The following TUSC3 variants were observed in gnomAD, a reference collection of about 807,000 sequenced individuals.
The protein encoded by TUSC3 is tumor suppressor candidate 3.
In TUSC3, 45 loss-of-function variants were observed where a neutral mutation model predicts 44.8. That is an observed-to-expected ratio of 1.00 (90% CI 0.79 to 1.29). The LOEUF (loss-of-function observed/expected upper bound fraction) is 1.29, where lower values mean the gene tolerates loss of function less well. TUSC3 is among the 50% of genes most tolerant of loss of function. TUSC3 has a pLI of 0.00. For synonymous variants in TUSC3, 212 were observed against 152.9 expected (o/e 1.39, Z -2.85); for missense variants, 519 against 437.9 (o/e 1.19, Z -1.65).
At chr8:15,420,646 C>T (rs892827155) in intron 1 of TUSC3, among the ~76,000 whole-genome samples, 1 of 151,762 alleles carries the variant, frequency 6.6e-6, no homozygotes, top group Admixed American at 6.6e-5. Context: ...ACCTGAATTC[C>T]TCCCTTCTCT....
intron 7 of TUSC3, among the ~76,000 whole-genome samples, chr8:15,735,216 A>T (rs1361750855): frequency 1.3e-5 from 2 of 152,146 alleles, no homozygotes; most frequent in Non-Finnish European, 2.9e-5. Context: ...GGCTGCTGGC[A>T]ATGGTTCATC....
chr8:15,825,635 T>A, the TUSC3 span, among the ~76,000 whole-genome samples: 1 of 152,164 alleles, frequency 6.6e-6, no homozygotes, highest in Non-Finnish European at 1.5e-5. Flanking sequence ...CTGCTCTTAT[T>A]CTTAAGGAAA....
the TUSC3 span, among the ~76,000 whole-genome samples, chr8:15,792,119 AACACAC>A: frequency 6.0e-5 from 9 of 150,310 alleles, no homozygotes; most frequent in South Asian, 2.1e-4. Context: ...GCCAACCTCT[AACACAC>A]ACACACACAC....
intron 1 of TUSC3, among the ~76,000 whole-genome samples, chr8:15,449,940 C>G (rs1389981321): frequency 6.6e-6 from 1 of 152,074 alleles, no homozygotes; most frequent in Non-Finnish European, 1.5e-5. Context: ...TGCTGTACAG[C>G]TTTGTAGCCT....
chr8:15,578,160 A>G (rs1272336000), intron 1 of TUSC3, among the ~76,000 whole-genome samples: 1 of 138,666 alleles, frequency 7.2e-6, no homozygotes, highest in African/African-American at 2.7e-5. Flanking sequence ...TTGTACATTG[A>G]TTTTGTATCC....
chr8:15,684,500 C>A (rs1015419371), intron 6 of TUSC3, among the ~76,000 whole-genome samples: 1 of 152,162 alleles, frequency 6.6e-6, no homozygotes, highest in Non-Finnish European at 1.5e-5. Context: ...GCAGGCCCAA[C>A]CGGCTAAGCT....
chr8:15,628,975 G>T (rs1398096695), intron 2 of TUSC3, among the ~76,000 whole-genome samples: 2 of 152,216 alleles, frequency 1.3e-5, no homozygotes, highest in African/African-American at 4.8e-5. Flanking sequence ...CAAACTGGTT[G>T]TGATACAGTT....
intron 1 of TUSC3, among the ~76,000 whole-genome samples, chr8:15,568,013 A>T (rs1449463255): frequency 6.6e-6 from 1 of 152,038 alleles, no homozygotes; most frequent in African/African-American, 2.4e-5. Flanking sequence ...CTATGGCCAC[A>T]TTGGTAGCAT....
intron 2 of TUSC3, among the ~76,000 whole-genome samples, chr8:15,519,959 A>G (rs1296136271): frequency 6.6e-6 from 1 of 152,208 alleles, no homozygotes; most frequent in Non-Finnish European, 1.5e-5. Flanking sequence ...GGACCTATGG[A>G]TAAAAGAATT....
intron 1 of TUSC3, among the ~76,000 whole-genome samples, chr8:15,602,163 G>A (rs1804314705): frequency 6.6e-6 from 1 of 151,484 alleles, no homozygotes; most frequent in Admixed American, 6.6e-5. Context: ...TCCAAAGTCT[G>A]AAAAAAGTCT....
intron 1 of TUSC3, among the ~76,000 whole-genome samples, chr8:15,456,361 T>C (rs1352692419): frequency 6.6e-6 from 1 of 152,082 alleles, no homozygotes; most frequent in Non-Finnish European, 1.5e-5. Context: ...TTTCTGAACC[T>C]CTTGACTGGA....
intron 6 of TUSC3, among the ~76,000 whole-genome samples, chr8:15,683,822 T>C (rs1410073511): frequency 6.6e-6 from 1 of 152,150 alleles, no homozygotes; most frequent in Non-Finnish European, 1.5e-5. Flanking sequence ...TTATGTTCTT[T>C]TTTCCTTGAA....
intron 1 of TUSC3, among the ~76,000 whole-genome samples, chr8:15,471,034 G>A (rs781010402): frequency 6.6e-6 from 1 of 152,118 alleles, no homozygotes; most frequent in Non-Finnish European, 1.5e-5. Flanking sequence ...AAAAATGCAA[G>A]ACAATAAAGG....
At chr8:15,783,607 A>G in the TUSC3 span, among the ~76,000 whole-genome samples, 2 of 152,240 alleles carry the variant, frequency 1.3e-5, no homozygotes, top group Non-Finnish European at 2.9e-5. Context: ...CAAAAGTGTC[A>G]AGAACACACA....
intron 1 of TUSC3, among the ~76,000 whole-genome samples, chr8:15,428,193 C>A (rs1430929291): frequency 7.2e-6 from 1 of 138,502 alleles, no homozygotes; most frequent in Non-Finnish European, 1.5e-5. Context: ...TTGTTCAATT[C>A]CCACCTATGA....
At chr8:15,642,033 C>A (rs2129172110) in intron 2 of TUSC3, among the ~76,000 whole-genome samples, 1 of 152,222 alleles carries the variant, frequency 6.6e-6, no homozygotes, top group African/African-American at 2.4e-5. Context: ...TTTAATATAC[C>A]AGTTATACCT....
rs182307061 is a variant in TUSC3, at chr8:15,500,982, C to T, written n.189+17499C>T. Among the ~76,000 whole-genome samples, 973 of 152,180 alleles carry T rather than the reference C, an allele frequency of 6.4e-3. 9 individuals carry two copies. Among genetic ancestry groups the T allele is most frequent in the Middle Eastern group, 0.014 (4 of 294 alleles). On this transcript the variant is annotated intron_variant and non_coding_transcript_variant, in intron 2 of 5. Coordinates refer to the TUSC3 transcript ENST00000503191. ...AATTCTTATAAGGTACAGAAAGTAACTCTTTCTGTATAGCTATAATACCAA... is the reference window on the plus strand; with the variant it reads ...AATTCTTATAAGGTACAGAAAGTAATTCTTTCTGTATAGCTATAATACCAA...
chr8:15,805,589 C>T, the TUSC3 span, among the ~76,000 whole-genome samples: 149 of 152,134 alleles, frequency 9.8e-4, no homozygotes, highest in African/African-American at 2.7e-3. Flanking sequence ...GAGATGATCA[C>T]GTGATTTTTG....
intron 1 of TUSC3, among the ~76,000 whole-genome samples, chr8:15,548,564 A>C (rs1317585220): frequency 6.6e-6 from 1 of 151,812 alleles, no homozygotes; most frequent in Non-Finnish European, 1.5e-5. Context: ...AACAGCATAG[A>C]AAAATGGGAA....
Sources: allele counts gnomAD v4.1 joint callset (sites outside exome capture counted in the v4.1 genomes callset), GRCh38; gene constraint gnomAD v4.1.1; transcripts MANE v1.5; gene names NCBI Gene and HGNC (gene_info 2026-07-23, HGNC 2026-07-21).